Variants in RNF152 observed in about 807,000 individuals in gnomAD.
The protein encoded by RNF152 is ring finger protein 152.
RNF152 carries 11 observed loss-of-function variants against 12.7 expected under a neutral mutation model. The ratio of observed to expected loss-of-function variants is 0.86; its 90% CI spans 0.54 to 1.43. The LOEUF is 1.43. RNF152 is among the 40% of genes most tolerant of loss of function. The pLI is 0.00. For synonymous variants in RNF152, 113 were observed against 120.3 expected (o/e 0.94, Z 0.40); for missense variants, 255 against 274.8 (o/e 0.93, Z 0.51).
intron 1 of RNF152, among the ~76,000 whole-genome samples, chr18:61,819,316 G>A (rs866344959): frequency 6.6e-6 from 1 of 152,212 alleles, no homozygotes; most frequent in African/African-American, 2.4e-5. Context: ...AGAGACTGTG[G>A]ACCGTGGGCA....
intron 1 of RNF152, among the ~76,000 whole-genome samples, chr18:61,858,960 G>A (rs1911341961): frequency 6.6e-6 from 1 of 152,080 alleles, no homozygotes; most frequent in Non-Finnish European, 1.5e-5. Context: ...TCATATTTGG[G>A]GAAACTCCAT....
chr18:61,860,770 C>A (rs780118650), intron 1 of RNF152, among the ~76,000 whole-genome samples: 5 of 152,294 alleles, frequency 3.3e-5, no homozygotes, highest in Non-Finnish European at 7.4e-5. Context: ...GAAATAACAG[C>A]TCCATGCGTG....
At chr18:61,890,767 G>A (rs1270287673) in intron 1 of RNF152, among the ~76,000 whole-genome samples, 1 of 152,188 alleles carries the variant, frequency 6.6e-6, no homozygotes, top group Admixed American at 6.5e-5. Flanking sequence ...GCATAGGTGG[G>A]TTCAAACAAC....
intron 1 of RNF152, among the ~76,000 whole-genome samples, chr18:61,834,177 T>A (rs994592943): frequency 2.0e-5 from 3 of 152,246 alleles, no homozygotes; most frequent in African/African-American, 4.8e-5. Context: ...AAAAGCAACA[T>A]GCCTTTCTCA....
chr18:61,850,781 G>A (rs1177749503), intron 1 of RNF152, among the ~76,000 whole-genome samples: 1 of 152,156 alleles, frequency 6.6e-6, no homozygotes, highest in Non-Finnish European at 1.5e-5. Flanking sequence ...TTGAGCTCAG[G>A]GAACTGATGA....
At chr18:61,838,020 A>G (rs962853242) in intron 1 of RNF152, among the ~76,000 whole-genome samples, 1 of 83,466 alleles carries the variant, frequency 1.2e-5, no homozygotes, top group Non-Finnish European at 3.5e-5. Flanking sequence ...TTGAAGAAAC[A>G]CACACATGGT....
chr18:61,881,889 T>C (rs1428891687), intron 1 of RNF152, among the ~76,000 whole-genome samples: 1 of 152,238 alleles, frequency 6.6e-6, no homozygotes, highest in Non-Finnish European at 1.5e-5. Flanking sequence ...AGTCTTCTTA[T>C]AGGACAGTGT....
intron 1 of RNF152, among the ~76,000 whole-genome samples, chr18:61,854,190 T>C (rs553312863): frequency 3.3e-4 from 50 of 152,354 alleles, no homozygotes; most frequent in South Asian, 6.2e-4. Flanking sequence ...TTTCACTCAG[T>C]TATCTCTGCT....
In RNF152 at chr18:61,887,663, C is replaced by CTGCACTCCA. The variant is rs570747350; in HGVS notation, c.-136+5123_-136+5131dup. On this transcript the variant is annotated intron_variant, in intron 1 of 1. Coordinates refer to ENST00000312828, the MANE Select transcript of RNF152 (RefSeq NM_173557.3). Reference sequence around the variant, plus strand: ...TACAGTGAGCTGAGATCATGCCCCACTGCACTCCAGCCTGGGTGACAGAGT... The same window carrying CTGCACTCCA: ...TACAGTGAGCTGAGATCATGCCCCACTGCACTCCATGCACTCCAGCCTGGGTGACAGAGT... Among the ~76,000 whole-genome samples the CTGCACTCCA allele has an allele frequency of 4.9e-3, 719 of 147,788 alleles. 2 individuals are homozygous for CTGCACTCCA. The highest frequency in any genetic ancestry group is 0.011 in the South Asian group (50 of 4,688).
intron 1 of RNF152, among the ~76,000 whole-genome samples, chr18:61,823,463 T>A (rs1238823223): frequency 3.6e-5 from 3 of 82,714 alleles, no homozygotes; most frequent in African/African-American, 9.4e-5. Flanking sequence ...ACCCAGCTAA[T>A]TTTTTTTGTA....
intron 1 of RNF152, among the ~76,000 whole-genome samples, chr18:61,866,471 C>A (rs971298924): frequency 2.0e-5 from 3 of 152,128 alleles, no homozygotes; most frequent in Non-Finnish European, 4.4e-5. Flanking sequence ...CGTTTCTGTG[C>A]TTTGAGCCAC....
At position 61,814,517 on chromosome 18, in the gene RNF152, A is replaced by T. The variant is rs1238328763; in HGVS notation, c.*1335T>A. The T allele has an allele frequency of 6.6e-6, 1 of 152,214 alleles. No homozygotes were observed. Among genetic ancestry groups the T allele is most frequent in the Non-Finnish European group, 1.5e-5 (1 of 68,040 alleles). 9.4% of individuals were successfully genotyped at this position (152,214 alleles called of 1,614,324 possible). On this transcript the variant is annotated 3_prime_UTR_variant, in exon 2 of 2. Transcript: ENST00000312828. ...TACTTGTAGCAGATCTTTCTTCATGAGCATCTATAGATCATTACACATTTA... is the reference window on the plus strand; with the variant it reads ...TACTTGTAGCAGATCTTTCTTCATGTGCATCTATAGATCATTACACATTTA...
chr18:61,876,297 C>A (rs1269194043), intron 1 of RNF152, among the ~76,000 whole-genome samples: 1 of 152,202 alleles, frequency 6.6e-6, no homozygotes, highest in Admixed American at 6.5e-5. Flanking sequence ...CATGTTCTTA[C>A]TCCTGCAGGG....
chr18:61,875,776 G>A (rs11152318), intron 1 of RNF152, among the ~76,000 whole-genome samples: 80,674 of 151,804 alleles, frequency 0.53, 21,618 homozygotes, highest in East Asian at 0.76. Flanking sequence ...AATGTCTCTT[G>A]CATTGATTCA....
intron 1 of RNF152, among the ~76,000 whole-genome samples, chr18:61,827,162 A>G (rs1388249523): frequency 1.3e-5 from 2 of 152,234 alleles, no homozygotes; most frequent in African/African-American, 2.4e-5. Flanking sequence ...AACTTTGGCC[A>G]TAATTCCCGT....
chr18:61,846,454 C>T (rs1307420763), intron 1 of RNF152, among the ~76,000 whole-genome samples: 1 of 152,110 alleles, frequency 6.6e-6, no homozygotes, highest in Non-Finnish European at 1.5e-5. Context: ...GCTTCTGCTG[C>T]CAAGAGTTTC....
At chr18:61,829,209 T>C (rs1471522281) in intron 1 of RNF152, among the ~76,000 whole-genome samples, 2 of 152,130 alleles carry the variant, frequency 1.3e-5, no homozygotes, top group African/African-American at 4.8e-5. Context: ...CTAGCGAATA[T>C]CACTGTAAGG....
chr18:61,866,752 G>A (rs954054235), intron 1 of RNF152, among the ~76,000 whole-genome samples: 13 of 152,190 alleles, frequency 8.5e-5, no homozygotes, highest in African/African-American at 3.1e-4. Context: ...TGACACCGGG[G>A]GTGTGACCTC....
chr18:61,844,272 C>A (rs371340855), intron 1 of RNF152, among the ~76,000 whole-genome samples: 3 of 151,166 alleles, frequency 2.0e-5, no homozygotes, highest in African/African-American at 7.4e-5. Context: ...ATCTAGGAAT[C>A]TAAAAAGCTC....
Sources: gnomAD v4.1 joint callset for allele counts (sites outside exome capture counted in the v4.1 genomes callset) on GRCh38, gnomAD v4.1.1 for gene constraint, MANE v1.5 for transcripts, NCBI Gene and HGNC (gene_info 2026-07-23, HGNC 2026-07-21) for gene names.